The following DYNC1I1 variants were observed in gnomAD, a reference collection of about 807,000 sequenced individuals.
The protein encoded by DYNC1I1 is dynein cytoplasmic 1 intermediate chain 1, also known as cytoplasmic dynein 1 intermediate chain 1.
Under a neutral mutation model 86.6 loss-of-function variants are expected in DYNC1I1, and 43 were observed. That is an observed-to-expected ratio of 0.50 (90% CI 0.39 to 0.64). DYNC1I1 has a LOEUF of 0.64. DYNC1I1 is among the 30% of genes least tolerant of loss of function. The pLI, the probability that DYNC1I1 is intolerant of heterozygous loss-of-function variation, is 0.00. For synonymous variants in DYNC1I1, 262 were observed against 283.7 expected (o/e 0.92, Z 0.77); for missense variants, 604 against 788.8 (o/e 0.77, Z 2.81).
chr7:95,789,104 GAAGGGTTT>G (rs1794223442), intron 1 of DYNC1I1, among the ~76,000 whole-genome samples: 3 of 152,184 alleles, frequency 2.0e-5, no homozygotes, highest in Admixed American at 6.5e-5. Flanking sequence ...ATGAGTATCA[GAAGGGTTT>G]AAGCCTTTTA....
chr7:95,880,425 G>T (rs1051650637), intron 6 of DYNC1I1, among the ~76,000 whole-genome samples: 1 of 152,056 alleles, frequency 6.6e-6, no homozygotes, highest in Admixed American at 6.5e-5. Context: ...GGCAGTTTCA[G>T]GCCATCTCCA....
intron 7 of DYNC1I1, among the ~76,000 whole-genome samples, chr7:95,978,882 G>A (rs532154870): frequency 2.0e-5 from 3 of 151,860 alleles, no homozygotes; most frequent in African/African-American, 7.3e-5. Flanking sequence ...TGCAACCTCT[G>A]CCTCCCAGGT....
At chr7:95,810,950 A>G (rs1024418072) in intron 3 of DYNC1I1, among the ~76,000 whole-genome samples, 8 of 152,272 alleles carry the variant, frequency 5.3e-5, no homozygotes, top group Admixed American at 3.9e-4. Flanking sequence ...TATGATGAAA[A>G]TAGAAGGCAC....
At chr7:95,931,046 G>A (rs1272633330) in intron 6 of DYNC1I1, among the ~76,000 whole-genome samples, 1 of 152,116 alleles carries the variant, frequency 6.6e-6, no homozygotes, top group Non-Finnish European at 1.5e-5. Flanking sequence ...TTAATTCAGA[G>A]TATTGCTGCA....
At chr7:96,001,092 A>G (rs1239168658) in intron 10 of DYNC1I1, among the ~76,000 whole-genome samples, 1 of 152,174 alleles carries the variant, frequency 6.6e-6, no homozygotes, top group Admixed American at 6.5e-5. Context: ...ACATGTTGTC[A>G]ACACAGAACT....
chr7:95,949,639 T>G (rs1224528896), intron 6 of DYNC1I1, among the ~76,000 whole-genome samples: 1 of 152,238 alleles, frequency 6.6e-6, no homozygotes, highest in African/African-American at 2.4e-5. Context: ...TGACTGGATT[T>G]CCTTTAAATG....
intron 5 of DYNC1I1, among the ~76,000 whole-genome samples, chr7:95,836,139 C>T (rs1344164453): frequency 6.6e-6 from 1 of 152,044 alleles, no homozygotes; most frequent in Non-Finnish European, 1.5e-5. Flanking sequence ...TTTAGCGCTT[C>T]CTTCAGGAGC....
At chr7:95,783,566 CAA>C (rs1794052091) in intron 1 of DYNC1I1, among the ~76,000 whole-genome samples, 2 of 152,138 alleles carry the variant, frequency 1.3e-5, no homozygotes, top group Non-Finnish European at 2.9e-5. Context: ...AGAGATATAA[CAA>C]AGTACAATGT....
At chr7:96,006,150 C>G (rs934765759) in intron 10 of DYNC1I1, among the ~76,000 whole-genome samples, 1 of 152,246 alleles carries the variant, frequency 6.6e-6, no homozygotes, top group South Asian at 2.1e-4. Flanking sequence ...AACAACTGAT[C>G]AATAGTTCTG....
intron 7 of DYNC1I1, among the ~76,000 whole-genome samples, chr7:95,980,069 G>A (rs186816258): frequency 3.3e-5 from 5 of 152,088 alleles, no homozygotes; most frequent in African/African-American, 4.8e-5. Context: ...TCTCCAAGTC[G>A]TCTTCTCCAG....
At chr7:95,942,792 T>A (rs1330229693) in intron 6 of DYNC1I1, among the ~76,000 whole-genome samples, 22 of 144,580 alleles carry the variant, frequency 1.5e-4, no homozygotes, top group Admixed American at 9.2e-4. Context: ...TCTCAATAGA[T>A]GCAGAAAAGG....
In DYNC1I1 at chr7:95,797,248, T is replaced by C. The variant is rs75105226; in HGVS notation, c.-9-7473T>C. ...AAAAAAAGAAACACTATTTTTTACATGAACAACTGACAAGCTAGGGTGATT... is the reference window on the plus strand; with the variant it reads ...AAAAAAAGAAACACTATTTTTTACACGAACAACTGACAAGCTAGGGTGATT... On this transcript the variant is annotated intron_variant, in intron 1 of 16. Transcript: ENST00000447467. 3.8e-3 allele frequency among the ~76,000 whole-genome samples: 584 copies of C among 152,306 alleles called. 4 individuals carry two copies. The highest frequency in any genetic ancestry group is 0.013 in the African/African-American group (553 of 41,578).
At chr7:95,950,163 C>CCTTGCGAAATGTGAAAAAT (rs1792514828) in intron 6 of DYNC1I1, among the ~76,000 whole-genome samples, 2 of 152,078 alleles carry the variant, frequency 1.3e-5, no homozygotes, top group Non-Finnish European at 2.9e-5. Flanking sequence ...ATGTGAAAAA[C>CCTTGCGAAATGTGAAAAAT]GAGCCTTGCG....
chr7:96,036,574 AT>A (rs1314118638), intron 13 of DYNC1I1, among the ~76,000 whole-genome samples: 1 of 152,184 alleles, frequency 6.6e-6, no homozygotes, highest in Admixed American at 6.5e-5. Flanking sequence ...CTCTTACTAC[AT>A]TATTTCCATT....
At chr7:95,896,023 G>A (rs1460009873) in intron 6 of DYNC1I1, among the ~76,000 whole-genome samples, 1 of 152,176 alleles carries the variant, frequency 6.6e-6, no homozygotes, top group Admixed American at 6.5e-5. Flanking sequence ...CCGGCAGAAG[G>A]CATTTAGCCT....
intron 6 of DYNC1I1, among the ~76,000 whole-genome samples, chr7:95,887,392 C>A (rs1373820903): frequency 2.0e-5 from 3 of 152,110 alleles, no homozygotes; most frequent in Non-Finnish European, 4.4e-5. Flanking sequence ...TCTCTCTCCT[C>A]CCCTTTCACC....
intron 5 of DYNC1I1, among the ~76,000 whole-genome samples, chr7:95,829,813 T>A (rs1295008231): frequency 6.6e-6 from 1 of 152,080 alleles, no homozygotes; most frequent in African/African-American, 2.4e-5. Flanking sequence ...GGAGACTTTC[T>A]GTTCACTTTC....
Position 95,807,255 on chromosome 7 carries a change from T to A in DYNC1I1, c.108+2418T>A, listed in dbSNP as rs982723161. Among the ~76,000 whole-genome samples, 13 of 152,122 alleles carry A rather than the reference T, an allele frequency of 8.5e-5. 1 individual carries two copies. Among genetic ancestry groups the A allele is most frequent in the Non-Finnish European group, 1.9e-4 (13 of 68,014 alleles). ...TCATGGGGTTGGAGCATTTTGTGGC[T>A]GAAAGGAATCTGGAAGTCATCTATT... On this transcript the variant is annotated intron_variant, in intron 2 of 16. Coordinates refer to ENST00000447467, the MANE Select transcript of DYNC1I1 (RefSeq NM_001135556.2).
At chr7:95,845,035 G>T (rs1789389017) in intron 5 of DYNC1I1, among the ~76,000 whole-genome samples, 1 of 152,200 alleles carries the variant, frequency 6.6e-6, no homozygotes, top group African/African-American at 2.4e-5. Context: ...GAATGACCAA[G>T]TACAGTTTGA....
Sources: allele counts gnomAD v4.1 joint callset (sites outside exome capture counted in the v4.1 genomes callset), GRCh38; gene constraint gnomAD v4.1.1; transcripts MANE v1.5; gene names NCBI Gene and HGNC (gene_info 2026-07-23, HGNC 2026-07-21).